PDCD1LG2: variants seen among roughly 807,000 people sequenced by gnomAD.
PDCD1LG2 encodes programmed cell death 1 ligand 2, also known as B7 dendritic cell molecule.
A neutral mutation model predicts 28.2 loss-of-function variants in PDCD1LG2; 32 were observed. The observed-to-expected ratio is 1.13, with a 90% CI of 0.86 to 1.52. The LOEUF (loss-of-function observed/expected upper bound fraction) is 1.52. Ranked by LOEUF, PDCD1LG2 falls within the 40% of genes most tolerant of loss-of-function variation. The pLI is 0.00. For missense variants in PDCD1LG2, 385 were observed against 323.8 expected (o/e 1.19, Z -1.45); for synonymous variants, 116 against 120.2 (o/e 0.97, Z 0.23).
At chr9:5,564,574 G>C (rs535167241) in intron 6 of PDCD1LG2, among the ~76,000 whole-genome samples, 2 of 152,180 alleles carry the variant, frequency 1.3e-5, no homozygotes, top group South Asian at 4.2e-4. Context: ...CTTTGGAAAG[G>C]TCCCTTAAAG....
chr9:5,514,245 A>G (rs1381389829), intron 1 of PDCD1LG2, among the ~76,000 whole-genome samples: 1 of 152,216 alleles, frequency 6.6e-6, no homozygotes, highest in African/African-American at 2.4e-5. Context: ...CTTGTATACT[A>G]GAGCTTGGCA....
At chr9:5,535,324 A>G (rs1820559685) in intron 3 of PDCD1LG2, among the ~76,000 whole-genome samples, 1 of 152,198 alleles carries the variant, frequency 6.6e-6, no homozygotes, top group Admixed American at 6.5e-5. Flanking sequence ...GTGGGAGGGT[A>G]TGAAAAATAA....
chr9:5,513,362 G>C (rs1480950510), intron 1 of PDCD1LG2, among the ~76,000 whole-genome samples: 1 of 152,212 alleles, frequency 6.6e-6, no homozygotes, highest in Non-Finnish European at 1.5e-5. Flanking sequence ...ACCCCTCTGG[G>C]AAGTCTCCCT....
chr9:5,540,103 T>C (rs1820660085), intron 3 of PDCD1LG2, among the ~76,000 whole-genome samples: 1 of 152,066 alleles, frequency 6.6e-6, no homozygotes, highest in Non-Finnish European at 1.5e-5. Context: ...TTCAAAACCA[T>C]GCAATTACAT....
intron 1 of PDCD1LG2, among the ~76,000 whole-genome samples, chr9:5,516,693 T>C (rs1228614792): frequency 1.3e-5 from 2 of 152,178 alleles, no homozygotes; most frequent in East Asian, 3.9e-4. Flanking sequence ...ACCCAACATC[T>C]GGAAGAGGTC....
chr9:5,525,892 C>A (rs1332942101), intron 2 of PDCD1LG2, among the ~76,000 whole-genome samples: 2 of 151,698 alleles, frequency 1.3e-5, no homozygotes, highest in Non-Finnish European at 2.9e-5. Context: ...ACAAAAAATA[C>A]AAAAATTAGC....
At chr9:5,548,293 C>A (rs1816253572) in intron 3 of PDCD1LG2, among the ~76,000 whole-genome samples, 1 of 152,140 alleles carries the variant, frequency 6.6e-6, no homozygotes, top group South Asian at 2.1e-4. Flanking sequence ...TAGCATAATA[C>A]CCTTCAGTTC....
At chr9:5,558,278 T>C (rs1816487472) in intron 5 of PDCD1LG2, among the ~76,000 whole-genome samples, 1 of 152,220 alleles carries the variant, frequency 6.6e-6, no homozygotes, top group Non-Finnish European at 1.5e-5. Flanking sequence ...TGCATTAACG[T>C]CTTTCAGCAG....
Position 5,569,859 on chromosome 9 carries a change from T to TA in PDCD1LG2, c.817-95_817-94insA, listed in dbSNP as rs1435947897. The TA allele has an allele frequency of 3.0e-5, 40 of 1,311,498 alleles. No homozygotes were observed. The African/African-American group carries it at 5.2e-4, about 17-fold the overall frequency. The allele number at this position is 1,311,498 out of a possible 1,614,324, so 81.2% of individuals were successfully genotyped here. A position where few individuals can be genotyped will look rare whatever the true frequency, so the allele number is the denominator to read the frequency against. The stretch of plus-strand genomic sequence containing the variant: ...GCGGCTTCCAGCTAGATGAACTTTT[T>TA]TAAAAAAATTAGTTCCTCACTCAAA... On this transcript the variant is annotated intron_variant, in intron 6 of 6. Coordinates refer to ENST00000397747, the MANE Select transcript of PDCD1LG2 (RefSeq NM_025239.4). This position sits in a 1 kb window ranked among gnomAD's most constrained non-coding sequence, Gnocchi z 4.1.
intron 4 of PDCD1LG2, among the ~76,000 whole-genome samples, chr9:5,553,640 A>T (rs1816381104): frequency 6.6e-6 from 1 of 152,206 alleles, no homozygotes; most frequent in Non-Finnish European, 1.5e-5. Context: ...AGAAGTTAAC[A>T]GTGGAGTAAA....
At position 5,534,892 on chromosome 9, in the gene PDCD1LG2, C is replaced by T. The variant is rs2129794047; in HGVS notation, c.203C>T (p.Pro68Leu). 1.2e-6 allele frequency: 2 copies of T among 1,614,134 alleles called. No individual in the cohort carries two copies. Among genetic ancestry groups the T allele is most frequent in the East Asian group, 4.5e-5 (2 of 44,886 alleles). Reference protein sequence around the residue: ...SLQKVENDTSPHRERATLLEE... With the variant: ...SLQKVENDTSLHRERATLLEE... ...CAAAAGGTGGAAAATGATACATCCC[C>T]ACACCGTGAAAGAGCCACTTTGCTG... Residue 68 changes from proline (P) to leucine (L), a missense_variant, in exon 3 of 7, where the codon CCA (proline) becomes CTA (leucine). By Grantham distance (98) the Pro-to-Leu change is moderately conservative. Transcript: ENST00000397747.
chr9:5,557,598 G>A lies in PDCD1LG2; in HGVS notation c.632-20G>A, dbSNP rs1563832976. 1 of 1,613,608 alleles carries A rather than the reference G, an allele frequency of 6.2e-7. No homozygotes were observed. The highest frequency in any genetic ancestry group is 8.5e-7 in the Non-Finnish European group (1 of 1,179,674). On this transcript the variant is annotated intron_variant, in intron 4 of 6. Coordinates refer to ENST00000397747, the MANE Select transcript of PDCD1LG2 (RefSeq NM_025239.4). Reference sequence around the variant, plus strand: ...CTTAGTTGCCATGTAACAGGATTCTGGTGCTTTTCCTTTGCCCAGGTCAGA... The same window carrying A: ...CTTAGTTGCCATGTAACAGGATTCTAGTGCTTTTCCTTTGCCCAGGTCAGA...
intron 1 of PDCD1LG2, among the ~76,000 whole-genome samples, chr9:5,516,127 C>T (rs1169556239): frequency 6.6e-6 from 1 of 151,862 alleles, no homozygotes; most frequent in Non-Finnish European, 1.5e-5. Flanking sequence ...TCTCGGCTCA[C>T]TGCAACCTCT....
intron 6 of PDCD1LG2, among the ~76,000 whole-genome samples, chr9:5,567,021 G>T (rs1244116914): frequency 6.6e-6 from 1 of 151,990 alleles, no homozygotes; most frequent in Non-Finnish European, 1.5e-5. Flanking sequence ...AATTTTTGTT[G>T]TACTTCACTA....
At chr9:5,527,291 C>CAAAA (rs1395053848) in intron 2 of PDCD1LG2, among the ~76,000 whole-genome samples, 2 of 151,700 alleles carry the variant, frequency 1.3e-5, no homozygotes, top group Non-Finnish European at 3.0e-5. Flanking sequence ...CATCCCTTGC[C>CAAAA]AAACAAACAA....
At position 5,535,042 on chromosome 9, in the gene PDCD1LG2, A is replaced by C; in HGVS notation, c.353A>C (p.Lys118Thr). 6.2e-7 allele frequency: 1 copy of C among 1,605,140 alleles called. No individual in the cohort carries two copies. Among genetic ancestry groups the C allele is most frequent in the Non-Finnish European group, 8.5e-7 (1 of 1,174,740 alleles). ...VAWDYKYLTL[K>T]VKASYRKINT... ...TGGGACTACAAGTACCTGACTCTGA[A>C]AGTCAAAGGTGAGTGGTGTCAAGGA... The change falls in exon 3 of 7, where the codon AAA becomes ACA. Residue 118 changes from lysine (K) to threonine (T), a missense_variant. Coordinates refer to ENST00000397747, the MANE Select transcript of PDCD1LG2 (RefSeq NM_025239.4).
intron 2 of PDCD1LG2, among the ~76,000 whole-genome samples, chr9:5,531,510 C>G (rs181341542): frequency 1.3e-5 from 2 of 152,230 alleles, no homozygotes; most frequent in Admixed American, 6.5e-5. Context: ...TGTCACCTGT[C>G]TGACAAGTAG....
At chr9:5,551,548 T>C (rs1049954583) in intron 4 of PDCD1LG2, among the ~76,000 whole-genome samples, 1 of 152,214 alleles carries the variant, frequency 6.6e-6, no homozygotes, top group South Asian at 2.1e-4. Context: ...AAGGACTTGT[T>C]CATCTGCTTC....
At chr9:5,553,018 G>A (rs1816368419) in intron 4 of PDCD1LG2, among the ~76,000 whole-genome samples, 1 of 152,148 alleles carries the variant, frequency 6.6e-6, no homozygotes, top group Admixed American at 6.5e-5. Flanking sequence ...AAGGCAGGAG[G>A]ATCACTTGAG....
Sources: allele counts gnomAD v4.1 joint callset (sites outside exome capture counted in the v4.1 genomes callset), GRCh38; gene constraint gnomAD v4.1.1; non-coding constraint Gnocchi (gnomAD v3.1); transcripts MANE v1.5; gene names NCBI Gene and HGNC (gene_info 2026-07-23, HGNC 2026-07-21).